PCBP3: variants seen among roughly 807,000 people sequenced by gnomAD.
PCBP3 encodes the protein poly(rC) binding protein 3.
PCBP3 carries 25 observed loss-of-function variants against 52.7 expected under a neutral mutation model. The observed-to-expected ratio is 0.47, with a 90% CI of 0.35 to 0.66. The LOEUF (loss-of-function observed/expected upper bound fraction) is 0.66, where lower values mean the gene tolerates loss of function less well. PCBP3 is among the 30% of genes least tolerant of loss of function. The probability of loss-of-function intolerance (pLI) is 0.01; values close to 1 mark genes in which losing one functional copy is unlikely to be tolerated. For synonymous variants in PCBP3, 162 were observed against 183.0 expected (o/e 0.89, Z 0.93); for missense variants, 391 against 490.3 (o/e 0.80, Z 1.91).
chr21:45,909,244 CAG>C (rs1372860820), intron 9 of PCBP3, 109 bp from the exon 10 acceptor site: 3 of 1,186,596 alleles, frequency 2.5e-6, no homozygotes, highest in African/African-American at 1.5e-5. Flanking sequence ...CTGTGCATGA[CAG>C]GGGCTCTGTG....
chr21:45,710,781 A>G (rs1452644671), intron 2 of PCBP3, among the ~76,000 whole-genome samples: 2 of 152,232 alleles, frequency 1.3e-5, no homozygotes, highest in Non-Finnish European at 2.9e-5. Flanking sequence ...TATTTAGACT[A>G]GTATTATCTT....
intron 6 of PCBP3, among the ~76,000 whole-genome samples, chr21:45,899,092 G>C (rs1210652264): frequency 1.3e-5 from 2 of 152,244 alleles, no homozygotes; most frequent in Admixed American, 6.5e-5. Context: ...AGCGGGGAAC[G>C]TGTGTCCCGA....
intron 5 of PCBP3, among the ~76,000 whole-genome samples, chr21:45,892,018 G>A (rs1351145371): frequency 4.6e-5 from 7 of 152,210 alleles, no homozygotes; most frequent in Non-Finnish European, 2.9e-5. Context: ...TGTAAGGGGG[G>A]TTTATTCAAA....
chr21:45,691,957 A>G lies in PCBP3; in HGVS notation c.-200+23005A>G, dbSNP rs1011494690. On this transcript the variant is annotated intron_variant, in intron 2 of 17. Transcript: ENST00000681687. Reference sequence around the variant, plus strand: ...AGTGAGATAGAATGGCAACTCTCCCACGTTCTCCAGGTGTCTAGGGGATAG... The same window carrying G: ...AGTGAGATAGAATGGCAACTCTCCCGCGTTCTCCAGGTGTCTAGGGGATAG... Among the ~76,000 whole-genome samples the G allele has an allele frequency of 2.6e-5, 4 of 152,276 alleles. No homozygotes were observed. The East Asian group carries it at 7.7e-4, about 29-fold the overall frequency.
intron 2 of PCBP3, among the ~76,000 whole-genome samples, chr21:45,688,053 A>AGT (rs990060984): frequency 6.6e-6 from 1 of 152,214 alleles, no homozygotes; most frequent in Non-Finnish European, 1.5e-5. Flanking sequence ...TAGTGATAAA[A>AGT]TATCAGTTTA....
intron 2 of PCBP3, among the ~76,000 whole-genome samples, chr21:45,712,478 A>G (rs1417640623): frequency 1.3e-5 from 2 of 152,240 alleles, no homozygotes; most frequent in Middle Eastern, 3.4e-3. Flanking sequence ...TTTAATATGC[A>G]GTTTCCTAAT....
intron 13 of PCBP3, chr21:45,919,148 A>G (rs1449514852): frequency 6.6e-6 from 1 of 152,164 alleles, no homozygotes; most frequent in African/African-American, 2.4e-5. Context: ...AGACGGCCCC[A>G]CCGGAAGTGC....
chr21:45,786,161 A>G (rs1482917515), intron 4 of PCBP3, among the ~76,000 whole-genome samples: 1 of 150,720 alleles, frequency 6.6e-6, no homozygotes, highest in East Asian at 1.9e-4. Context: ...AATAAATCAT[A>G]TCAAAGTAAA....
chr21:45,678,068 A>G (rs2081578177), intron 2 of PCBP3, among the ~76,000 whole-genome samples: 1 of 152,158 alleles, frequency 6.6e-6, no homozygotes, highest in Non-Finnish European at 1.5e-5. Flanking sequence ...GTGGCTGAGC[A>G]TGGTGGCTCA....
intron 2 of PCBP3, among the ~76,000 whole-genome samples, chr21:45,721,299 G>A (rs2084617385): frequency 6.6e-6 from 1 of 151,662 alleles, no homozygotes; most frequent in African/African-American, 2.4e-5. Context: ...TGTAGTCCCA[G>A]CTACTCGGGA....
intron 4 of PCBP3, among the ~76,000 whole-genome samples, chr21:45,814,231 TGGA>T (rs1241861175): frequency 1.3e-5 from 2 of 152,252 alleles, no homozygotes; most frequent in Non-Finnish European, 2.9e-5. Context: ...CATTTATGAA[TGGA>T]GCTGGCAGGA....
chr21:45,914,714 A>T (rs931064520), intron 12 of PCBP3: 1 of 152,372 alleles, frequency 6.6e-6, no homozygotes, highest in African/African-American at 2.4e-5. Context: ...AACCCTGGCC[A>T]GGGCACAGGG....
chr21:45,869,109 C>G (rs1335063797), intron 5 of PCBP3: 56 of 152,316 alleles, frequency 3.7e-4, no homozygotes, highest in African/African-American at 1.3e-3. Context: ...GTATCTGTAA[C>G]TTTCTCCAAT....
intron 1 of PCBP3, among the ~76,000 whole-genome samples, chr21:45,655,089 T>C (rs947235616): frequency 6.6e-6 from 1 of 152,200 alleles, no homozygotes; most frequent in African/African-American, 2.4e-5. Context: ...TATCGATATA[T>C]GGCATTTTGT....
intron 2 of PCBP3, among the ~76,000 whole-genome samples, chr21:45,712,469 T>G (rs1038003005): frequency 6.6e-6 from 1 of 152,208 alleles, no homozygotes; most frequent in African/African-American, 2.4e-5. Flanking sequence ...GTATCTTGTT[T>G]TAATATGCAG....
At chr21:45,801,621 C>G (rs1459904006) in intron 4 of PCBP3, among the ~76,000 whole-genome samples, 1 of 148,090 alleles carries the variant, frequency 6.8e-6, no homozygotes, top group Non-Finnish European at 1.5e-5. Flanking sequence ...GCCTTCACAG[C>G]CGCACTTGTT....
intron 4 of PCBP3, among the ~76,000 whole-genome samples, chr21:45,794,766 A>T (rs1407960650): frequency 6.6e-6 from 1 of 152,116 alleles, no homozygotes; most frequent in Non-Finnish European, 1.5e-5. Flanking sequence ...CATCTCTACT[A>T]AAAATACACA....
At chr21:45,932,693 C>A (rs2076406588) in intron 15 of PCBP3, among the ~76,000 whole-genome samples, 1 of 151,882 alleles carries the variant, frequency 6.6e-6, no homozygotes, top group African/African-American at 2.4e-5. Flanking sequence ...CTGGGCCATG[C>A]CATCCTGAAA....
At chr21:45,809,277 A>C (rs1162897387) in intron 4 of PCBP3, among the ~76,000 whole-genome samples, 1 of 152,204 alleles carries the variant, frequency 6.6e-6, no homozygotes, top group Non-Finnish European at 1.5e-5. Context: ...TTATTGTAGT[A>C]ATTATCTTTC....
Sources: allele counts gnomAD v4.1 joint callset (sites outside exome capture counted in the v4.1 genomes callset), GRCh38; gene constraint gnomAD v4.1.1; transcripts MANE v1.5; gene names NCBI Gene and HGNC (gene_info 2026-07-23, HGNC 2026-07-21).